The following IGSF21 variants were observed in gnomAD, a reference collection of about 807,000 sequenced individuals.
IGSF21 encodes the protein immunoglobulin superfamily member 21.
IGSF21 carries 28 observed loss-of-function variants against 46.8 expected under a neutral mutation model. That is an observed-to-expected ratio of 0.60 (90% confidence interval 0.44 to 0.82). The LOEUF (loss-of-function observed/expected upper bound fraction) is 0.82. Among genes scored for constraint, IGSF21 ranks in the 40% least tolerant of loss-of-function variants. The probability of loss-of-function intolerance (pLI) is 0.00; values close to 1 mark genes in which losing one functional copy is unlikely to be tolerated. For synonymous variants in IGSF21, 284 were observed against 273.6 expected, an observed-to-expected ratio of 1.04 and a Z score of -0.38; for missense variants, 624 against 665.5, an observed-to-expected ratio of 0.94 and a Z score of 0.69.
chr1:18,281,338 C>T (rs2085158332), intron 2 of IGSF21, among the ~76,000 whole-genome samples: 1 of 151,930 alleles, frequency 6.6e-6, no homozygotes, highest in African/African-American at 2.4e-5. Flanking sequence ...GTGGGTGCAT[C>T]ACCCTGAGGT....
At chr1:18,302,132 G>A (rs1014239858) in intron 3 of IGSF21, among the ~76,000 whole-genome samples, 8 of 149,634 alleles carry the variant, frequency 5.3e-5, no homozygotes, top group African/African-American at 2.0e-4. Flanking sequence ...TTCTTCAGGG[G>A]CTGCCTGGCC....
intron 1 of IGSF21, among the ~76,000 whole-genome samples, chr1:18,157,601 C>T (rs74055917): frequency 2.6e-3 from 394 of 152,342 alleles, no homozygotes; most frequent in African/African-American, 9.1e-3. Context: ...CCTCCCAGCC[C>T]GGTCTGGTAC....
intron 3 of IGSF21, among the ~76,000 whole-genome samples, chr1:18,298,376 C>T (rs1272806595): frequency 4.6e-5 from 7 of 152,314 alleles, no homozygotes; most frequent in African/African-American, 1.4e-4. Context: ...GTAGCGTGTC[C>T]TGAAGCCCCT....
intron 3 of IGSF21, among the ~76,000 whole-genome samples, chr1:18,315,139 G>A (rs2085527938): frequency 1.3e-5 from 2 of 152,244 alleles, no homozygotes; most frequent in South Asian, 4.1e-4. Context: ...GAGGATCTCA[G>A]CAGTGGAGAG....
rs569042266 is a variant in IGSF21, at chr1:18,209,740, G to A, written c.71-18158G>A. 2.2e-4 allele frequency among the ~76,000 whole-genome samples: 33 copies of A among 151,694 alleles called. 2 individuals carry two copies. In the South Asian group the frequency reaches 5.0e-3, roughly 23 times the overall value. On this transcript the variant is annotated intron_variant, in intron 1 of 9. Transcript: ENST00000251296. ...CTCGTAAAGTGCTGAGATTACAGGCGTGAGCCACCGCACCCGGCCAGGCCT... is the reference window on the plus strand; with the variant it reads ...CTCGTAAAGTGCTGAGATTACAGGCATGAGCCACCGCACCCGGCCAGGCCT...
At chr1:18,287,410 C>A (rs1311261453) in intron 2 of IGSF21, among the ~76,000 whole-genome samples, 1 of 151,302 alleles carries the variant, frequency 6.6e-6, no homozygotes, top group African/African-American at 2.4e-5. Context: ...AACAAACAAA[C>A]AAACAAAACA....
chr1:18,127,349 G>C (rs1319184644), intron 1 of IGSF21, among the ~76,000 whole-genome samples: 1 of 152,180 alleles, frequency 6.6e-6, no homozygotes, highest in Non-Finnish European at 1.5e-5. Context: ...TCTCTAGATT[G>C]GGTGGTCAAG....
Position 18,199,450 on chromosome 1 carries a change from C to T in IGSF21, c.71-28448C>T, listed in dbSNP as rs563246819. 1.4e-4 allele frequency among the ~76,000 whole-genome samples: 22 copies of T among 152,322 alleles called. No homozygotes were observed. The East Asian group carries it at 4.2e-3, about 29-fold the overall frequency. On this transcript the variant is annotated intron_variant, in intron 1 of 9. Coordinates refer to ENST00000251296, the MANE Select transcript of IGSF21 (RefSeq NM_032880.5). ...TGTGATTTGACTGCTGTTGGATACA[C>T]GGACATCCAGGCGCCCCTCGGATCC...
chr1:18,345,680 G>A (rs980306827), intron 4 of IGSF21, among the ~76,000 whole-genome samples: 6 of 152,136 alleles, frequency 3.9e-5, no homozygotes, highest in South Asian at 2.1e-4. Context: ...CACCGCACCC[G>A]GCTATGGTTA....
rs1445528297 is a variant in IGSF21, at chr1:18,369,662, CAG to C, written c.1015+3968_1015+3969del. ...GACAGTGGGACGGATTAGATGACCTCAGAGCACAAAATCCAATCATTCAACAA... is the reference window on the plus strand; with the variant it reads ...GACAGTGGGACGGATTAGATGACCTCAGCACAAAATCCAATCATTCAACAA... On this transcript the variant is annotated intron_variant, in intron 6 of 9. Coordinates refer to ENST00000251296, the MANE Select transcript of IGSF21 (RefSeq NM_032880.5). 3.2e-4 allele frequency among the ~76,000 whole-genome samples: 48 copies of C among 152,228 alleles called. 1 individual carries two copies. Among genetic ancestry groups the C allele is most frequent in the Non-Finnish European group, 1.2e-4 (8 of 68,040 alleles).
At chr1:18,294,587 G>A (rs1252879067) in intron 3 of IGSF21, among the ~76,000 whole-genome samples, 1 of 152,246 alleles carries the variant, frequency 6.6e-6, no homozygotes, top group Non-Finnish European at 1.5e-5. Context: ...AAGGCCCAGA[G>A]AGGGAATGAG....
At chr1:18,176,229 T>A (rs2086795145) in intron 1 of IGSF21, 1 of 152,218 alleles carries the variant, frequency 6.6e-6, no homozygotes, top group Non-Finnish European at 1.5e-5. Flanking sequence ...GTTGAGCTGC[T>A]TTTAGGCAGA....
chr1:18,376,007 G>A (rs1049922796), intron 6 of IGSF21: 6 of 319,870 alleles, frequency 1.9e-5, no homozygotes, highest in African/African-American at 8.5e-5. Flanking sequence ...GCACTGGCTT[G>A]TACTTGTCTG....
At position 18,335,018 on chromosome 1, in the gene IGSF21, C is replaced by G; in HGVS notation, c.424+8C>G. The G allele has an allele frequency of 6.3e-7, 1 of 1,588,698 alleles. No homozygotes were observed. Among genetic ancestry groups the G allele is most frequent in the Non-Finnish European group, 8.6e-7 (1 of 1,156,654 alleles). On this transcript the variant is annotated splice_region_variant and intron_variant, in intron 4 of 9. Coordinates refer to ENST00000251296, the MANE Select transcript of IGSF21 (RefSeq NM_032880.5). The surrounding 1 kb of genome is among the most constrained non-coding windows in gnomAD (Gnocchi z 4.8). The stretch of plus-strand genomic sequence containing the variant: ...TCTTCCTCAACGTCATGGGTGAGTG[C>G]AGGGCCACTGGCCCCTGGTGTCTCA...
chr1:18,239,452 C>T (rs1395406166), intron 2 of IGSF21, among the ~76,000 whole-genome samples: 1 of 152,186 alleles, frequency 6.6e-6, no homozygotes, highest in East Asian at 1.9e-4. Flanking sequence ...CCACCCCTCC[C>T]TGCCCCACAC....
chr1:18,323,823 G>T (rs2085629769), intron 3 of IGSF21, among the ~76,000 whole-genome samples: 1 of 151,934 alleles, frequency 6.6e-6, no homozygotes, highest in African/African-American at 2.4e-5. Context: ...TTTTCAGGTT[G>T]GGGGGCGGTG....
rs1302394327 is a variant in IGSF21 at position 18,359,367 on chromosome 1, AAAGAAAGAAAGAAAGAAAGGAAGG to A, written c.425-2744_425-2721del. On this transcript the variant is annotated intron_variant, in intron 4 of 9. Coordinates refer to ENST00000251296, the MANE Select transcript of IGSF21 (RefSeq NM_032880.5). ...GAAAGAAAGAAAGAAAGAAAGAAAG[AAAGAAAGAAAGAAAGAAAGGAAGG>A]AAGGAAGGAAGGAAGGAAGGAAGGA... is the stretch of plus-strand genomic sequence containing the variant. 3.1e-3 allele frequency among the ~76,000 whole-genome samples: 298 copies of A among 97,380 alleles called. 3 individuals are homozygous for A. Among genetic ancestry groups the A allele is most frequent in the African/African-American group, 0.01 (286 of 27,854 alleles). 63.9% of individuals were successfully genotyped at this position (97,380 alleles called of 152,430 possible). A position where few individuals can be genotyped will look rare whatever the true frequency, so the allele number is the denominator to read the frequency against.
intron 3 of IGSF21, among the ~76,000 whole-genome samples, chr1:18,298,687 C>T (rs1170763495): frequency 6.6e-6 from 1 of 152,222 alleles, no homozygotes; most frequent in Admixed American, 6.5e-5. Flanking sequence ...AGAAATGCCA[C>T]TTCCTTTATT....
intron 2 of IGSF21, among the ~76,000 whole-genome samples, chr1:18,283,458 C>G (rs893159665): frequency 6.6e-6 from 1 of 152,170 alleles, no homozygotes; most frequent in South Asian, 2.1e-4. Context: ...GGCTGCTTCT[C>G]TGGCCCAGCT....
Sources: allele counts gnomAD v4.1 joint callset (sites outside exome capture counted in the v4.1 genomes callset), GRCh38; gene constraint gnomAD v4.1.1; non-coding constraint Gnocchi (gnomAD v3.1); transcripts MANE v1.5; gene names NCBI Gene and HGNC (gene_info 2026-07-23, HGNC 2026-07-21).